The following SGCZ variants were observed in gnomAD, a reference collection of about 807,000 sequenced individuals.
The protein encoded by SGCZ is zeta-sarcoglycan.
Under a neutral mutation model 41.3 loss-of-function variants are expected in SGCZ, and 40 were observed. The observed-to-expected ratio is 0.97, with a 90% CI of 0.75 to 1.26. The LOEUF (loss-of-function observed/expected upper bound fraction) is 1.26. Among genes scored for constraint, SGCZ ranks in the 50% most tolerant of loss-of-function variants. SGCZ has a pLI of 0.00. For synonymous variants in SGCZ, 206 were observed against 137.5 expected (o/e 1.50, Z -3.49); for missense variants, 552 against 369.8 (o/e 1.49, Z -4.04).
intron 1 of SGCZ, among the ~76,000 whole-genome samples, chr8:14,725,867 C>T (rs184850213): frequency 1.0e-3 from 155 of 151,950 alleles, no homozygotes; most frequent in African/African-American, 3.3e-3. Flanking sequence ...GATGGAAAGG[C>T]GATTACTAAA....
intron 2 of SGCZ, among the ~76,000 whole-genome samples, chr8:14,536,620 A>AT (rs896462812): frequency 1.3e-4 from 19 of 151,770 alleles, no homozygotes; most frequent in African/African-American, 2.4e-4. Context: ...TTGACTGGTG[A>AT]TTTTTTTTCC....
intron 2 of SGCZ, among the ~76,000 whole-genome samples, chr8:14,358,730 C>T (rs1803390507): frequency 6.6e-6 from 1 of 152,056 alleles, no homozygotes; most frequent in Non-Finnish European, 1.5e-5. Context: ...TCTGCCTCAG[C>T]CTCCTGAGTA....
At chr8:14,521,956 C>T (rs1563383598) in intron 2 of SGCZ, among the ~76,000 whole-genome samples, 2 of 152,084 alleles carry the variant, frequency 1.3e-5, no homozygotes, top group East Asian at 3.9e-4. Context: ...TTCTGAGAGG[C>T]TTAATCATGG....
chr8:14,440,746 CATACGTATACACGTATATGTATATAT>C lies in SGCZ; in HGVS notation c.234+113960_234+113985del, dbSNP rs1162602514. Among the ~76,000 whole-genome samples the C allele has an allele frequency of 6.2e-5, 9 of 145,528 alleles. 1 individual carries two copies. The highest frequency in any genetic ancestry group is 1.4e-4 in the Admixed American group (2 of 14,558). On this transcript the variant is annotated intron_variant, in intron 2 of 7. Coordinates refer to ENST00000382080, the MANE Select transcript of SGCZ (RefSeq NM_139167.4). ...ACACGTATATGTATATATGTATATA[CATACGTATACACGTATATGTATATAT>C]GTATATACATACGTATACACGTATA...
chr8:14,945,669 A>G (rs1438344248), intron 1 of SGCZ, among the ~76,000 whole-genome samples: 6 of 151,840 alleles, frequency 4.0e-5, no homozygotes, highest in Admixed American at 2.0e-4. Context: ...TCTACAATCA[A>G]TGTGGGCAGG....
intron 2 of SGCZ, among the ~76,000 whole-genome samples, chr8:14,525,192 AT>A (rs1802910089): frequency 9.5e-6 from 1 of 104,826 alleles, no homozygotes; most frequent in Admixed American, 9.7e-5. Context: ...AGATAGATAG[AT>A]AGACAGACAG....
chr8:14,438,322 A>C (rs1800150177), intron 2 of SGCZ, among the ~76,000 whole-genome samples: 1 of 152,028 alleles, frequency 6.6e-6, no homozygotes, highest in Non-Finnish European at 1.5e-5. Context: ...TTTATCACAA[A>C]TTATAAGTAT....
intron 4 of SGCZ, among the ~76,000 whole-genome samples, chr8:14,179,575 A>G (rs1182634788): frequency 1.3e-5 from 2 of 152,146 alleles, no homozygotes; most frequent in African/African-American, 4.8e-5. Context: ...TGCTAACCTC[A>G]GAGTCTCTTA....
intron 1 of SGCZ, among the ~76,000 whole-genome samples, chr8:14,958,866 G>C (rs1800877514): frequency 6.6e-6 from 1 of 152,034 alleles, no homozygotes; most frequent in South Asian, 2.1e-4. Context: ...TAAATAGGCA[G>C]ATATTTAGGG....
intron 2 of SGCZ, among the ~76,000 whole-genome samples, chr8:14,371,994 A>G (rs538069789): frequency 6.6e-6 from 1 of 152,154 alleles, no homozygotes; most frequent in East Asian, 1.9e-4. Context: ...CTAAATTTAT[A>G]GAGTAATCTT....
At chr8:14,156,127 G>T (rs1803868748) in intron 5 of SGCZ, among the ~76,000 whole-genome samples, 1 of 152,184 alleles carries the variant, frequency 6.6e-6, no homozygotes, top group African/African-American at 2.4e-5. Context: ...GTCCACTACT[G>T]TACACTTTAT....
intron 3 of SGCZ, chr8:14,309,115 C>G: frequency 1.4e-6 from 2 of 1,463,344 alleles, no homozygotes; most frequent in Non-Finnish European, 1.9e-6. Context: ...ACCCAGAACA[C>G]TATATTAAAC....
chr8:15,090,057 C>T (rs1401916292), intron 1 of SGCZ, among the ~76,000 whole-genome samples: 1 of 152,164 alleles, frequency 6.6e-6, no homozygotes, highest in Non-Finnish European at 1.5e-5. Context: ...TGTATGTTAT[C>T]AGTCAACATA....
intron 1 of SGCZ, among the ~76,000 whole-genome samples, chr8:15,142,586 A>G (rs897279338): frequency 1.5e-4 from 23 of 151,888 alleles, no homozygotes; most frequent in African/African-American, 3.9e-4. Flanking sequence ...TCACCCCCCA[A>G]TTACCATCCA....
intron 1 of SGCZ, among the ~76,000 whole-genome samples, chr8:15,179,297 T>C (rs567376474): frequency 6.6e-6 from 1 of 152,290 alleles, no homozygotes; most frequent in Non-Finnish European, 1.5e-5. Context: ...AATTATCTCT[T>C]CATTAGACTT....
At position 14,084,909 on chromosome 8, in the gene SGCZ, T is replaced by G. The variant is rs1801482577; in HGVS notation, c.*5534A>C. Among the ~76,000 whole-genome samples the G allele has an allele frequency of 6.6e-6, 1 of 151,918 alleles. No homozygotes were observed. The highest frequency in any genetic ancestry group is 2.1e-4 in the South Asian group (1 of 4,826). ...CATGGTTACATAGTAGCACCAAAATTAGGACAAATTACAAGAATCACAGGA... is the reference window on the plus strand; with the variant it reads ...CATGGTTACATAGTAGCACCAAAATGAGGACAAATTACAAGAATCACAGGA... On this transcript the variant is annotated 3_prime_UTR_variant, in exon 8 of 8. Transcript: ENST00000382080.
chr8:14,774,164 T>C (rs541702998), intron 1 of SGCZ, among the ~76,000 whole-genome samples: 1 of 152,248 alleles, frequency 6.6e-6, no homozygotes, highest in South Asian at 2.1e-4. Context: ...AGTCTAAGGC[T>C]TGAATAGAGC....
intron 1 of SGCZ, among the ~76,000 whole-genome samples, chr8:14,776,762 G>A (rs1360659840): frequency 1.3e-5 from 2 of 151,862 alleles, no homozygotes; most frequent in African/African-American, 4.8e-5. Flanking sequence ...CAAAGTGCTG[G>A]GATTACAGGC....
chr8:14,267,067 TTTG>T (rs1263178213), intron 3 of SGCZ, among the ~76,000 whole-genome samples: 1 of 152,080 alleles, frequency 6.6e-6, no homozygotes, highest in African/African-American at 2.4e-5. Context: ...TTATAATATT[TTTG>T]TTTTCTTATT....
Sources: gnomAD v4.1 joint callset for allele counts (sites outside exome capture counted in the v4.1 genomes callset) on GRCh38, gnomAD v4.1.1 for gene constraint, MANE v1.5 for transcripts, NCBI Gene and HGNC (gene_info 2026-07-23, HGNC 2026-07-21) for gene names.